RELN: variants seen among roughly 807,000 people sequenced by gnomAD.
RELN encodes reelin.
RELN carries 108 observed loss-of-function variants against 427.6 expected under a neutral mutation model. The ratio of observed to expected loss-of-function variants is 0.25; its 90% CI spans 0.22 to 0.30. The LOEUF (loss-of-function observed/expected upper bound fraction) is 0.30. Among genes scored for constraint, RELN ranks in the 10% least tolerant of loss-of-function variants. The probability of loss-of-function intolerance (pLI) is 1.00; values close to 1 mark genes in which losing one functional copy is unlikely to be tolerated. For synonymous variants in RELN, 1,524 were observed against 1,513.4 expected, an observed-to-expected ratio of 1.01 and a Z score of -0.16; for missense variants, 3,715 against 4,302.8, an observed-to-expected ratio of 0.86 and a Z score of 3.82.
At chr7:103,963,604 T>G (rs1402501404) in intron 1 of RELN, among the ~76,000 whole-genome samples, 1 of 152,210 alleles carries the variant, frequency 6.6e-6, no homozygotes, top group African/African-American at 2.4e-5. Context: ...TAAAAATTTC[T>G]TTTAAAAATC....
At chr7:103,735,979 A>C (rs559532542) in intron 6 of RELN, among the ~76,000 whole-genome samples, 1 of 152,228 alleles carries the variant, frequency 6.6e-6, no homozygotes, top group Non-Finnish European at 1.5e-5. Flanking sequence ...AAAGGAAAAG[A>C]AAAGTTTCTT....
At chr7:103,977,198 C>A (rs1290624721) in intron 1 of RELN, among the ~76,000 whole-genome samples, 1 of 151,048 alleles carries the variant, frequency 6.6e-6, no homozygotes, top group Non-Finnish European at 1.5e-5. Flanking sequence ...GTAATCCTAG[C>A]TACTTGGGAG....
At chr7:103,577,691 A>G (rs1831035647) in intron 28 of RELN, among the ~76,000 whole-genome samples, 1 of 152,200 alleles carries the variant, frequency 6.6e-6, no homozygotes, top group African/African-American at 2.4e-5. Flanking sequence ...ATTAATGTAC[A>G]CCAGCATTTG....
rs150328936 is a variant in RELN, at chr7:103,654,929, T to C, written c.1442-724A>G. ...TGGAAGAGCCAGGGGTACATGTATG[T>C]CTTCTAACCTATTATTTTCATAACT... is the stretch of plus-strand genomic sequence containing the variant. On this transcript the variant is annotated intron_variant, in intron 12 of 64. Coordinates refer to ENST00000428762, the MANE Select transcript of RELN (RefSeq NM_005045.4). Among the ~76,000 whole-genome samples, 4 of 152,136 alleles carry C rather than the reference T, an allele frequency of 2.6e-5. No individual in the cohort carries two copies. In the East Asian group the frequency reaches 5.8e-4, roughly 22 times the overall value.
At chr7:103,645,931 A>G (rs1832787922) in intron 16 of RELN, among the ~76,000 whole-genome samples, 8 of 151,896 alleles carry the variant, frequency 5.3e-5, no homozygotes, top group Admixed American at 5.3e-4. Context: ...CATATCAAAT[A>G]CCTTCTCAAA....
In RELN at chr7:103,569,947, T is replaced by A. The variant is rs1339607911; in HGVS notation, c.4588+2237A>T. On this transcript the variant is annotated intron_variant, in intron 31 of 64. Transcript: ENST00000428762. The surrounding 1 kb of genome is among the most constrained non-coding windows in gnomAD (Gnocchi z 4.0). ...ACTGAAAATAGCATAATTTTGATTT[T>A]AATTCCAAATATGTAAATTGATGCT... Among the ~76,000 whole-genome samples, 2 of 152,248 alleles carry A rather than the reference T, an allele frequency of 1.3e-5. No homozygotes were observed. Among genetic ancestry groups the A allele is most frequent in the Non-Finnish European group, 2.9e-5 (2 of 68,044 alleles).
intron 2 of RELN, among the ~76,000 whole-genome samples, chr7:103,847,995 T>TA (rs1199218573): frequency 6.6e-6 from 1 of 152,248 alleles, no homozygotes; most frequent in Non-Finnish European, 1.5e-5. Context: ...AAAACATTTC[T>TA]ACCTGGAGCT....
intron 3 of RELN, among the ~76,000 whole-genome samples, chr7:103,811,672 T>C (rs1294196336): frequency 1.3e-5 from 2 of 152,178 alleles, no homozygotes; most frequent in Non-Finnish European, 2.9e-5. Flanking sequence ...TACCAGATTG[T>C]AAAGAAATGC....
At chr7:103,491,854 TCTCACA>T (rs1199925422) in intron 58 of RELN, 93 bp downstream of exon 58, 59 of 377,954 alleles carry the variant, frequency 1.6e-4, no homozygotes, top group African/African-American at 8.3e-4. Context: ...TCTCTCTCTC[TCTCACA>T]CACACACACA....
At chr7:103,692,400 A>G (rs1438904038) in intron 10 of RELN, among the ~76,000 whole-genome samples, 1 of 152,062 alleles carries the variant, frequency 6.6e-6, no homozygotes, top group African/African-American at 2.4e-5. Flanking sequence ...CAGGCCCAGG[A>G]ATCAATGCCA....
At chr7:103,881,317 C>G (rs1794601825) in intron 2 of RELN, among the ~76,000 whole-genome samples, 2 of 152,110 alleles carry the variant, frequency 1.3e-5, no homozygotes, top group Admixed American at 1.3e-4. Flanking sequence ...TTATAAAACT[C>G]TTCCTTTGAT....
chr7:103,599,850 G>A (rs968646449), intron 24 of RELN, among the ~76,000 whole-genome samples: 27 of 152,108 alleles, frequency 1.8e-4, no homozygotes, highest in African/African-American at 6.5e-4. Flanking sequence ...AGACCATCTT[G>A]AATATTTGTG....
intron 8 of RELN, among the ~76,000 whole-genome samples, chr7:103,705,023 G>A (rs1834170522): frequency 6.6e-6 from 1 of 152,056 alleles, no homozygotes. Flanking sequence ...CCACCCTCTT[G>A]ATTTTTCTCC....
chr7:103,594,258 GTTCT>G, intron 26 of RELN, 59 bp downstream of exon 26: 1 of 1,472,862 alleles, frequency 6.8e-7, no homozygotes. Context: ...AAGGAAATGA[GTTCT>G]TTATGCCATT....
At chr7:103,606,139 GA>G (rs1192181177) in intron 22 of RELN, among the ~76,000 whole-genome samples, 2 of 152,164 alleles carry the variant, frequency 1.3e-5, no homozygotes, top group Non-Finnish European at 2.9e-5. Flanking sequence ...TCCTGAAAAG[GA>G]AAGCTGAGTT....
intron 46 of RELN, among the ~76,000 whole-genome samples, chr7:103,532,310 G>A (rs1829959162): frequency 6.6e-6 from 1 of 152,156 alleles, no homozygotes; most frequent in African/African-American, 2.4e-5. Context: ...GGAGTGGGAG[G>A]AGGGAAAGCA....
chr7:103,839,238 C>T (rs952958066), intron 2 of RELN, among the ~76,000 whole-genome samples: 1 of 151,584 alleles, frequency 6.6e-6, no homozygotes, highest in East Asian at 1.9e-4. Context: ...TAAAACCATC[C>T]CAAACATGTA....
At chr7:103,744,556 G>C (rs1337275085) in intron 6 of RELN, among the ~76,000 whole-genome samples, 1 of 152,046 alleles carries the variant, frequency 6.6e-6, no homozygotes, top group Non-Finnish European at 1.5e-5. Context: ...GAATCAAATA[G>C]ATGCAATAAA....
At chr7:103,787,714 T>A (rs1792053827) in intron 3 of RELN, among the ~76,000 whole-genome samples, 1 of 151,918 alleles carries the variant, frequency 6.6e-6, no homozygotes, top group South Asian at 2.1e-4. Flanking sequence ...CCAAAAGAAG[T>A]CCAAGACCAG....
Sources: allele counts gnomAD v4.1 joint callset (sites outside exome capture counted in the v4.1 genomes callset), GRCh38; gene constraint gnomAD v4.1.1; non-coding constraint Gnocchi (gnomAD v3.1); transcripts MANE v1.5; gene names NCBI Gene and HGNC (gene_info 2026-07-23, HGNC 2026-07-21).